RBFOX1: variants seen among roughly 807,000 people sequenced by gnomAD.
The protein encoded by RBFOX1 is RNA binding protein fox-1 homolog 1.
RBFOX1 carries 8 observed loss-of-function variants against 57.7 expected under a neutral mutation model. The observed-to-expected ratio is 0.14, with a 90% CI of 0.08 to 0.25. The LOEUF is 0.25. Among genes scored for constraint, RBFOX1 ranks in the 10% least tolerant of loss-of-function variants. The probability of loss-of-function intolerance (pLI) is 1.00; values close to 1 mark genes in which losing one functional copy is unlikely to be tolerated. For missense variants in RBFOX1, 611 were observed against 548.5 expected (o/e 1.11, Z -1.14); for synonymous variants, 326 against 222.4 (o/e 1.47, Z -4.15).
At chr16:6,192,089 G>T (rs575723220) in intron 1 of RBFOX1, among the ~76,000 whole-genome samples, 1 of 152,274 alleles carries the variant, frequency 6.6e-6, no homozygotes, top group Non-Finnish European at 1.5e-5. Flanking sequence ...AGCTGCATCT[G>T]CCTCCTGCTA....
At position 5,435,359 on chromosome 16, in the gene RBFOX1, G is replaced by A. The variant is rs565386141; in HGVS notation, c.220-31857G>A. On this transcript the variant is annotated intron_variant, in intron 1 of 2. Coordinates refer to the RBFOX1 transcript ENST00000585867. Reference sequence around the variant, plus strand: ...AGGGATGTTTGTGGGGTGTGTGTGTGTTGGGGGTGTCATCTGTGAGGCTTT... The same window carrying A: ...AGGGATGTTTGTGGGGTGTGTGTGTATTGGGGGTGTCATCTGTGAGGCTTT... Among the ~76,000 whole-genome samples the A allele has an allele frequency of 3.3e-5, 5 of 152,200 alleles. No individual in the cohort carries two copies. In the South Asian group the frequency reaches 1.0e-3, roughly 31 times the overall value.
intron 5 of RBFOX1, among the ~76,000 whole-genome samples, chr16:7,527,229 T>C (rs1480884091): frequency 6.6e-6 from 1 of 152,216 alleles, no homozygotes; most frequent in Non-Finnish European, 1.5e-5. Flanking sequence ...CTTAGGAGCC[T>C]GAGCACTATG....
intron 3 of RBFOX1, among the ~76,000 whole-genome samples, chr16:6,689,169 G>T (rs184638550): frequency 2.8e-4 from 43 of 152,166 alleles, no homozygotes; most frequent in African/African-American, 7.2e-4. Flanking sequence ...GGGATTGCTG[G>T]GTCAAATGTT....
At chr16:5,398,631 C>G (rs1202507336) in intron 1 of RBFOX1, among the ~76,000 whole-genome samples, 2 of 151,818 alleles carry the variant, frequency 1.3e-5, no homozygotes, top group Admixed American at 1.3e-4. Context: ...TGCAAGTGTA[C>G]TAGGCACGCT....
At chr16:5,667,116 G>A (rs963144432) in intron 3 of RBFOX1, among the ~76,000 whole-genome samples, 4 of 152,060 alleles carry the variant, frequency 2.6e-5, no homozygotes, top group Non-Finnish European at 4.4e-5. Flanking sequence ...AAGTAAAGTC[G>A]TTTGTCTTTA....
chr16:7,281,155 A>T (rs1448831166), intron 4 of RBFOX1, among the ~76,000 whole-genome samples: 1 of 151,824 alleles, frequency 6.6e-6, no homozygotes, highest in Non-Finnish European at 1.5e-5. Flanking sequence ...GGTGTGTGCC[A>T]CCACACCTGG....
At chr16:6,125,757 G>C (rs2096585023) in intron 1 of RBFOX1, among the ~76,000 whole-genome samples, 1 of 152,052 alleles carries the variant, frequency 6.6e-6, no homozygotes, top group South Asian at 2.1e-4. Flanking sequence ...TACCATCCTT[G>C]GCTCGCTCTC....
Position 5,942,753 on chromosome 16 carries a change from G to C in RBFOX1, c.351+75418G>C, listed in dbSNP as rs368812527. On this transcript the variant is annotated intron_variant, in intron 4 of 19. Coordinates refer to the RBFOX1 transcript ENST00000641259. ...TGTAGGTTAAAGACAAGGTGGAGTTGGTTAGATCAGATCTCTCTCACTGAT... is the reference window on the plus strand; with the variant it reads ...TGTAGGTTAAAGACAAGGTGGAGTTCGTTAGATCAGATCTCTCTCACTGAT... 3.3e-5 allele frequency among the ~76,000 whole-genome samples: 5 copies of C among 152,238 alleles called. No individual in the cohort carries two copies. In the South Asian group the frequency reaches 1.0e-3, roughly 32 times the overall value.
chr16:5,513,617 C>T (rs2043684439), intron 2 of RBFOX1, among the ~76,000 whole-genome samples: 1 of 152,140 alleles, frequency 6.6e-6, no homozygotes, highest in Non-Finnish European at 1.5e-5. Flanking sequence ...TGGAATTCTT[C>T]TCTATGGGAT....
At chr16:5,993,767 C>G (rs943687554) in intron 4 of RBFOX1, among the ~76,000 whole-genome samples, 1 of 151,982 alleles carries the variant, frequency 6.6e-6, no homozygotes, top group Admixed American at 6.6e-5. Flanking sequence ...TGAGCAGTGC[C>G]GTAAAATTGA....
At chr16:6,620,103 C>T (rs945393348) in intron 2 of RBFOX1, among the ~76,000 whole-genome samples, 3 of 152,154 alleles carry the variant, frequency 2.0e-5, no homozygotes, top group African/African-American at 7.2e-5. Flanking sequence ...TTTATCCAGT[C>T]TATCATTGGT....
chr16:5,589,857 C>G (rs1368082623), intron 2 of RBFOX1, among the ~76,000 whole-genome samples: 3 of 152,162 alleles, frequency 2.0e-5, no homozygotes, highest in African/African-American at 7.2e-5. Flanking sequence ...ACTCCACTGC[C>G]TTGGCCTGCA....
intron 1 of RBFOX1, among the ~76,000 whole-genome samples, chr16:6,048,901 T>C (rs1024530588): frequency 5.3e-5 from 8 of 152,178 alleles, no homozygotes; most frequent in African/African-American, 1.9e-4. Context: ...AGTGGGTTTC[T>C]GTCCTTTTTA....
At chr16:5,783,648 A>T (rs2054399157) in intron 3 of RBFOX1, among the ~76,000 whole-genome samples, 1 of 152,190 alleles carries the variant, frequency 6.6e-6, no homozygotes. Context: ...TTAAAAATTT[A>T]ATGATACCCC....
intron 2 of RBFOX1, among the ~76,000 whole-genome samples, chr16:5,550,174 G>A (rs561301766): frequency 2.6e-5 from 4 of 152,192 alleles, no homozygotes; most frequent in Admixed American, 1.3e-4. Flanking sequence ...GCAGTGTTGC[G>A]AGAGGGGCTG....
intron 1 of RBFOX1, among the ~76,000 whole-genome samples, chr16:6,123,301 C>T (rs1567509935): frequency 6.6e-6 from 1 of 152,182 alleles, no homozygotes; most frequent in South Asian, 2.1e-4. Context: ...TACATATATA[C>T]AGTGGAAAAT....
At chr16:5,975,224 A>T (rs1355927939) in intron 4 of RBFOX1, among the ~76,000 whole-genome samples, 3 of 152,184 alleles carry the variant, frequency 2.0e-5, no homozygotes, top group Non-Finnish European at 4.4e-5. Context: ...GATGGCCCTG[A>T]TAAATCGATC....
chr16:6,836,680 A>G (rs1230931499), intron 3 of RBFOX1, among the ~76,000 whole-genome samples: 1 of 152,164 alleles, frequency 6.6e-6, no homozygotes, highest in Non-Finnish European at 1.5e-5. Context: ...TATGCCCCTA[A>G]TTTATCCTGT....
intron 1 of RBFOX1, among the ~76,000 whole-genome samples, chr16:6,131,125 A>G (rs1418876104): frequency 1.3e-5 from 2 of 152,192 alleles, no homozygotes; most frequent in African/African-American, 4.8e-5. Flanking sequence ...GAAAGTTCAG[A>G]ACACTCATTC....
Sources: gnomAD v4.1 joint callset for allele counts (sites outside exome capture counted in the v4.1 genomes callset) on GRCh38, gnomAD v4.1.1 for gene constraint, MANE v1.5 for transcripts, NCBI Gene and HGNC (gene_info 2026-07-23, HGNC 2026-07-21) for gene names.